Variants in SLC37A3 observed in about 807,000 individuals in gnomAD.
SLC37A3 encodes solute carrier family 37 member 3.
A neutral mutation model predicts 67.1 loss-of-function variants in SLC37A3; 51 were observed. That is an observed-to-expected ratio of 0.76 (90% CI 0.61 to 0.96). SLC37A3 has a LOEUF of 0.96. SLC37A3 is among the 40% of genes least tolerant of loss of function. SLC37A3 has a pLI of 0.00. For missense variants in SLC37A3, 508 were observed against 603.0 expected (o/e 0.84, Z 1.65); for synonymous variants, 214 against 231.4 (o/e 0.92, Z 0.68).
Position 140,369,592 on chromosome 7 carries a change from C to T in SLC37A3, c.289G>A (p.Val97Met), listed in dbSNP as rs765134121. Reference protein sequence around the residue: ...LDTIFLFSYAVGLFISGIVGD... With the variant: ...LDTIFLFSYAMGLFISGIVGD... ...AGCCCTAGAGTTCCAAAACTTACCACAGCATAGGAGAAGAGGAAAATGGTA... is the reference window on the plus strand; with the variant it reads ...AGCCCTAGAGTTCCAAAACTTACCATAGCATAGGAGAAGAGGAAAATGGTA... The change falls in exon 4 of 15, where the codon GTG becomes ATG. Residue 97 changes from valine to methionine, a missense_variant and splice_region_variant. Physicochemically the swap from Val to Met is conservative, Grantham distance 21. Coordinates refer to ENST00000326232, the MANE Select transcript of SLC37A3 (RefSeq NM_207113.3). 2 of 1,613,566 alleles carry T rather than the reference C, an allele frequency of 1.2e-6. No homozygotes were observed. The highest frequency in any genetic ancestry group is 4.5e-5 in the East Asian group (2 of 44,886).
intron 13 of SLC37A3, among the ~76,000 whole-genome samples, chr7:140,338,868 C>T (rs905622593): frequency 1.3e-5 from 2 of 151,788 alleles, no homozygotes; most frequent in South Asian, 2.1e-4. Flanking sequence ...CAGGTTCAAG[C>T]GATTATCTTG....
chr7:140,375,692 A>C (rs1183883865), intron 3 of SLC37A3, among the ~76,000 whole-genome samples: 1 of 152,224 alleles, frequency 6.6e-6, no homozygotes, highest in Non-Finnish European at 1.5e-5. Flanking sequence ...TTAACAAAAA[A>C]TAAAATCCCC....
intron 1 of SLC37A3, among the ~76,000 whole-genome samples, chr7:140,392,520 A>G (rs1353151488): frequency 6.6e-6 from 1 of 152,050 alleles, no homozygotes; most frequent in Non-Finnish European, 1.5e-5. Context: ...ATAAACCACC[A>G]GCAGCATCTC....
intron 13 of SLC37A3, among the ~76,000 whole-genome samples, chr7:140,341,635 T>C (rs1796364996): frequency 1.3e-5 from 2 of 152,176 alleles, no homozygotes; most frequent in South Asian, 4.1e-4. Context: ...TGAGTAAAGC[T>C]AACAGTGATT....
chr7:140,363,740 C>CA (rs71170980), intron 5 of SLC37A3, among the ~76,000 whole-genome samples: 5,315 of 107,168 alleles, frequency 0.05, 242 homozygotes, highest in Non-Finnish European at 0.068. Flanking sequence ...AACTCCGCCT[C>CA]AAAAAAAAAA....
rs1325388223 is a variant in SLC37A3 at position 140,352,094 on chromosome 7, A to G, written c.671T>C (p.Phe224Ser). 1.9e-6 allele frequency: 3 copies of G among 1,613,348 alleles called. No individual in the cohort carries two copies. In the Admixed American group the frequency reaches 5.0e-5, roughly 27 times the overall value. Residue 224 changes from phenylalanine (F) to serine (S), a missense_variant, in exon 8 of 15, where the codon TTC becomes TCC. Coordinates refer to ENST00000326232, the MANE Select transcript of SLC37A3 (RefSeq NM_207113.3). ...TTCTGGTGACACCAGGAGTCCAAAG[A>G]AGATAACGATCCCACCAGCAAACTG... ...SVQFAGGIVI[F>S]FGLLVSPEEI...
At chr7:140,351,065 C>T (rs866804688) in intron 9 of SLC37A3, among the ~76,000 whole-genome samples, 15 of 152,172 alleles carry the variant, frequency 9.9e-5, no homozygotes, top group South Asian at 2.1e-4. Flanking sequence ...AATATTTATT[C>T]TCTGCCTCTT....
rs1799032202 is a variant in SLC37A3 at position 140,398,462 on chromosome 7, C to T, written c.-117G>A. 8 of 152,416 alleles carry T rather than the reference C, an allele frequency of 5.2e-5. No homozygotes were observed. Among genetic ancestry groups the T allele is most frequent in the Admixed American group, 5.2e-4 (8 of 15,268 alleles). The allele number at this position is 152,416 out of a possible 1,614,324, so 9.4% of individuals were successfully genotyped here. A position where few individuals can be genotyped will look rare whatever the true frequency, so the allele number is the denominator to read the frequency against. ...GCTCTCCAGCCCCGGCTCCGCTCGC[C>T]GGGTCAGCTTGGCTCCGCTGCCCGC... On this transcript the variant is annotated 5_prime_UTR_variant, in exon 1 of 15. Coordinates refer to ENST00000326232, the MANE Select transcript of SLC37A3 (RefSeq NM_207113.3).
chr7:140,381,493 C>A (rs915271978), intron 2 of SLC37A3, among the ~76,000 whole-genome samples: 14 of 151,908 alleles, frequency 9.2e-5, no homozygotes, highest in Non-Finnish European at 1.8e-4. Flanking sequence ...CCACTGCACT[C>A]CAGTCTGGGC....
intron 6 of SLC37A3, 136 bp downstream of exon 6, chr7:140,358,504 C>T (rs2117119333): frequency 1.6e-6 from 2 of 1,233,526 alleles, no homozygotes; most frequent in East Asian, 2.3e-5. Flanking sequence ...ACCCTCTCTC[C>T]CTGAACAACT....
rs1370243721 is a variant in SLC37A3 at position 140,362,906 on chromosome 7, G to T, written c.375+1502C>A. On this transcript the variant is annotated intron_variant, in intron 5 of 14. Transcript: ENST00000326232. ...CGCCCCGTCCGGGAGGGAGGCGGGG[G>T]GGGGGGTCGGCCAGCCGCCCTGTCC... 7.8e-5 allele frequency among the ~76,000 whole-genome samples: 5 copies of T among 63,990 alleles called. 1 individual carries two copies. The highest frequency in any genetic ancestry group is 1.3e-4 in the Admixed American group (1 of 7,630). The allele number at this position is 63,990 out of a possible 152,430, so 42.0% of individuals were successfully genotyped here.
intron 9 of SLC37A3, among the ~76,000 whole-genome samples, chr7:140,349,941 TATATC>T (rs1393418687): frequency 6.6e-6 from 1 of 152,202 alleles, no homozygotes; most frequent in Non-Finnish European, 1.5e-5. Context: ...GCATTTCTCT[TATATC>T]ATATATCATC....
intron 1 of SLC37A3, 31 bp downstream of exon 1, chr7:140,398,385 T>C (rs1411130266): frequency 1.3e-5 from 2 of 151,006 alleles, no homozygotes; most frequent in Non-Finnish European, 2.9e-5. Flanking sequence ...CCCCAGCAGG[T>C]CTTCGGCCCC....
chr7:140,394,115 G>T (rs1035728035), intron 1 of SLC37A3, among the ~76,000 whole-genome samples: 1 of 152,074 alleles, frequency 6.6e-6, no homozygotes, highest in Non-Finnish European at 1.5e-5. Context: ...AGACTGAAGT[G>T]AGCCAAGGTT....
At chr7:140,387,737 T>A (rs372825202) in intron 1 of SLC37A3, among the ~76,000 whole-genome samples, 11 of 26,624 alleles carry the variant, frequency 4.1e-4, no homozygotes, top group African/African-American at 1.3e-3. Flanking sequence ...ATAAATATAC[T>A]ATATATTATA....
At chr7:140,341,536 G>T (rs1585250521) in intron 13 of SLC37A3, among the ~76,000 whole-genome samples, 1 of 152,174 alleles carries the variant, frequency 6.6e-6, no homozygotes. Context: ...TAAGGACAGA[G>T]CTGATAGAGG....
chr7:140,348,178 T>C (rs1796643155), intron 10 of SLC37A3, among the ~76,000 whole-genome samples: 4 of 152,220 alleles, frequency 2.6e-5, no homozygotes, highest in Admixed American at 2.0e-4. Context: ...TGGTGTATTC[T>C]TCCTTATTAG....
At chr7:140,351,988 G>T (rs751452551) in intron 8 of SLC37A3, 74 bp downstream of exon 8, 21 of 1,413,072 alleles carry the variant, frequency 1.5e-5, no homozygotes, top group South Asian at 1.2e-5. Flanking sequence ...AAAGAGATTC[G>T]ATTTCTTGGC....
At chr7:140,389,188 TTAGCTACA>T (rs1301693591) in intron 1 of SLC37A3, among the ~76,000 whole-genome samples, 4 of 152,132 alleles carry the variant, frequency 2.6e-5, no homozygotes, top group Non-Finnish European at 5.9e-5. Flanking sequence ...GACTAACGAA[TTAGCTACA>T]AGATTAGAAA....
Sources: gnomAD v4.1 joint callset for allele counts (sites outside exome capture counted in the v4.1 genomes callset) on GRCh38, gnomAD v4.1.1 for gene constraint, MANE v1.5 for transcripts, NCBI Gene and HGNC (gene_info 2026-07-23, HGNC 2026-07-21) for gene names.